KCTD20: variants seen among roughly 807,000 people sequenced by gnomAD.
The protein encoded by KCTD20 is BTB/POZ domain-containing protein KCTD20.
In KCTD20, 30 loss-of-function variants were observed where a neutral mutation model predicts 39.6. The ratio of observed to expected loss-of-function variants is 0.76; its 90% CI spans 0.57 to 1.03. The LOEUF (loss-of-function observed/expected upper bound fraction) is 1.03, where lower values mean the gene tolerates loss of function less well. KCTD20 is among the 50% of genes least tolerant of loss of function. The pLI is 0.00. For synonymous variants in KCTD20, 162 were observed against 180.6 expected (o/e 0.90, Z 0.83); for missense variants, 422 against 522.0 (o/e 0.81, Z 1.87).
chr6:36,461,776 AGAG>A lies in KCTD20; in HGVS notation c.-46-8272_-46-8270del, dbSNP rs1775609906. 2.6e-5 allele frequency among the ~76,000 whole-genome samples: 4 copies of A among 152,330 alleles called. No individual in the cohort carries two copies. The South Asian group carries it at 8.3e-4, about 32-fold the overall frequency. ...GGGTAGTAAGTTAGGAGTGTCAAAT[AGAG>A]GAGACAGGAAAATTTATCCAAGCAA... On this transcript the variant is annotated intron_variant, in intron 1 of 7. Coordinates refer to ENST00000373731, the MANE Select transcript of KCTD20 (RefSeq NM_173562.5).
chr6:36,471,850 C>CTT (rs550731370), intron 2 of KCTD20, among the ~76,000 whole-genome samples: 2 of 135,358 alleles, frequency 1.5e-5, no homozygotes, highest in Admixed American at 1.5e-4. Flanking sequence ...GTATCTATTT[C>CTT]TTTTTTTTTT....
intron 3 of KCTD20, among the ~76,000 whole-genome samples, chr6:36,478,850 C>G (rs1210530143): frequency 1.3e-5 from 2 of 152,164 alleles, no homozygotes; most frequent in Non-Finnish European, 2.9e-5. Flanking sequence ...CATTTACTGC[C>G]AAAGAAACTC....
At chr6:36,477,876 C>T (rs1043227907) in intron 3 of KCTD20, among the ~76,000 whole-genome samples, 5 of 150,216 alleles carry the variant, frequency 3.3e-5, no homozygotes, top group Admixed American at 2.0e-4. Flanking sequence ...GAGGCCGAGG[C>T]GGGCAGATCA....
chr6:36,477,481 CTTTT>C (rs760205169), intron 3 of KCTD20, among the ~76,000 whole-genome samples: 6 of 130,936 alleles, frequency 4.6e-5, no homozygotes, highest in Non-Finnish European at 3.2e-5. Flanking sequence ...ATTTTCTTTT[CTTTT>C]TTTTTTTTTT....
At chr6:36,481,918 C>T (rs1365439710) in intron 6 of KCTD20, among the ~76,000 whole-genome samples, 159 bp downstream of exon 6, 3 of 152,172 alleles carry the variant, frequency 2.0e-5, no homozygotes. Flanking sequence ...AGCCTTTATG[C>T]TGGGGAACAC....
intron 2 of KCTD20, among the ~76,000 whole-genome samples, chr6:36,473,672 C>G (rs907861994): frequency 1.6e-4 from 24 of 151,934 alleles, no homozygotes; most frequent in African/African-American, 5.1e-4. Flanking sequence ...GCTCGGGAGG[C>G]TGAGGCAGGA....
At chr6:36,472,369 CA>C (rs1428045547) in intron 2 of KCTD20, among the ~76,000 whole-genome samples, 1 of 152,090 alleles carries the variant, frequency 6.6e-6, no homozygotes, top group Admixed American at 6.6e-5. Context: ...CTTTTATCTA[CA>C]AACAAATGGG....
chr6:36,460,527 A>G (rs1429505184), intron 1 of KCTD20, among the ~76,000 whole-genome samples: 1 of 152,136 alleles, frequency 6.6e-6, no homozygotes, highest in Non-Finnish European at 1.5e-5. Flanking sequence ...CTGGTTTCGA[A>G]CTGCTGACCT....
In KCTD20 at chr6:36,473,768, A is replaced by G. The variant is rs552004009; in HGVS notation, c.161-1021A>G. On this transcript the variant is annotated intron_variant, in intron 2 of 7. Transcript: ENST00000373731. ...AGCCTGGGCGACAGTGTGAGACTCT[A>G]TCTCAAAAAAAATAAAAAATAAAAA... Among the ~76,000 whole-genome samples, 75 of 152,192 alleles carry G rather than the reference A, an allele frequency of 4.9e-4. 1 individual carries two copies. The highest frequency in any genetic ancestry group is 7.1e-4 in the Non-Finnish European group (48 of 67,998).
At chr6:36,467,669 C>T (rs543627160) in intron 1 of KCTD20, among the ~76,000 whole-genome samples, 5 of 152,052 alleles carry the variant, frequency 3.3e-5, no homozygotes, top group Non-Finnish European at 5.9e-5. Flanking sequence ...AATTCTGAAG[C>T]CAAATCCATT....
At position 36,489,302 on chromosome 6, in the gene KCTD20, G is replaced by A. The variant is rs1209031293; in HGVS notation, c.*2127G>A. On this transcript the variant is annotated 3_prime_UTR_variant, in exon 8 of 8. Transcript: ENST00000373731. Reference sequence around the variant, plus strand: ...AGTTCTTGCTTAGGGAAAATGCCAGGTATGAAGTATGGCATATACTTGACA... The same window carrying A: ...AGTTCTTGCTTAGGGAAAATGCCAGATATGAAGTATGGCATATACTTGACA... 4.6e-5 allele frequency: 7 copies of A among 152,254 alleles called. No individual in the cohort carries two copies. Among genetic ancestry groups the A allele is most frequent in the Non-Finnish European group, 8.8e-5 (6 of 68,028 alleles). The allele number at this position is 152,254 out of a possible 1,614,324, so 9.4% of individuals were successfully genotyped here.
chr6:36,481,390 C>T (rs1776244437), intron 5 of KCTD20, among the ~76,000 whole-genome samples, 172 bp from the exon 6 acceptor site: 1 of 152,160 alleles, frequency 6.6e-6, no homozygotes, highest in Non-Finnish European at 1.5e-5. Context: ...AGGAGACATA[C>T]CTTAACAAAG....
chr6:36,474,230 C>G (rs1775997448), intron 2 of KCTD20, among the ~76,000 whole-genome samples: 1 of 127,352 alleles, frequency 7.9e-6, no homozygotes, highest in East Asian at 2.7e-4. Context: ...CCCCCTCCCC[C>G]CACCCCACAA....
Position 36,484,749 on chromosome 6 carries a change from T to C in KCTD20, c.892T>C (p.Tyr298His), listed in dbSNP as rs1020650343. ...YSSKLYRFFKYIENRDVAKTV... is the reference protein window; with the variant it reads ...YSSKLYRFFKHIENRDVAKTV... ...CTCCAAGCTCTACAGATTCTTCAAATATATTGAGAATAGGGATGTTGCAAA... is the reference window on the plus strand; with the variant it reads ...CTCCAAGCTCTACAGATTCTTCAAACATATTGAGAATAGGGATGTTGCAAA... The change falls in exon 7 of 8, where the codon TAT (tyrosine) becomes CAT (histidine). Residue 298 changes from tyrosine to histidine, a missense_variant. Coordinates refer to ENST00000373731, the MANE Select transcript of KCTD20 (RefSeq NM_173562.5). The C allele has an allele frequency of 6.2e-7, 1 of 1,604,058 alleles. No individual in the cohort carries two copies. Among genetic ancestry groups the C allele is most frequent in the African/African-American group, 1.4e-5 (1 of 73,896 alleles).
intron 1 of KCTD20, among the ~76,000 whole-genome samples, chr6:36,446,461 T>C (rs901323499): frequency 8.5e-5 from 13 of 152,200 alleles, no homozygotes; most frequent in Non-Finnish European, 1.3e-4. Context: ...CTATTGTCCT[T>C]ATCAAACTTA....
At chr6:36,458,220 T>A (rs1288781030) in intron 1 of KCTD20, among the ~76,000 whole-genome samples, 1 of 151,496 alleles carries the variant, frequency 6.6e-6, no homozygotes, top group Non-Finnish European at 1.5e-5. Flanking sequence ...GGCCAGCTAA[T>A]TTTTTTTTAT....
chr6:36,453,128 C>G (rs376749286), intron 1 of KCTD20, among the ~76,000 whole-genome samples: 2 of 151,624 alleles, frequency 1.3e-5, no homozygotes, highest in South Asian at 2.1e-4. Flanking sequence ...GTGCCTCAGC[C>G]TCCCAAGTAG....
chr6:36,471,140 G>A (rs1775899309), intron 2 of KCTD20, among the ~76,000 whole-genome samples: 1 of 110,012 alleles, frequency 9.1e-6, no homozygotes, highest in Non-Finnish European at 1.8e-5. Context: ...AAGAGAGGGA[G>A]ACTGTGTCTC....
At chr6:36,470,407 C>A (rs1209224286) in intron 2 of KCTD20, 150 bp downstream of exon 2, 8 of 685,652 alleles carry the variant, frequency 1.2e-5, no homozygotes, top group Non-Finnish European at 1.9e-5. Context: ...CTGACCTTCA[C>A]AGAAACTCTC....
Sources: gnomAD v4.1 joint callset for allele counts (sites outside exome capture counted in the v4.1 genomes callset) on GRCh38, gnomAD v4.1.1 for gene constraint, MANE v1.5 for transcripts, NCBI Gene and HGNC (gene_info 2026-07-23, HGNC 2026-07-21) for gene names.